Variants in RALYL observed in about 807,000 individuals in gnomAD.
RALYL encodes RALY RNA binding protein like, also known as RNA-binding Raly-like protein.
Under a neutral mutation model 35.1 loss-of-function variants are expected in RALYL, and 29 were observed. The ratio of observed to expected loss-of-function variants is 0.83; its 90% confidence interval spans 0.61 to 1.13. The LOEUF (loss-of-function observed/expected upper bound fraction) is 1.13, where lower values mean the gene tolerates loss of function less well. Ranked by LOEUF, RALYL falls within the 50% of genes most tolerant of loss-of-function variation. The pLI is 0.00. For synonymous variants in RALYL, 120 were observed against 127.6 expected (o/e 0.94, Z 0.40); for missense variants, 359 against 360.4 (o/e 1.00, Z 0.03).
intron 4 of RALYL, among the ~76,000 whole-genome samples, chr8:84,840,641 G>T (rs570699815): frequency 6.6e-6 from 1 of 152,102 alleles, no homozygotes; most frequent in Admixed American, 6.5e-5. Flanking sequence ...TACTTGAGAA[G>T]AGCAACTCCA....
intron 5 of RALYL, among the ~76,000 whole-genome samples, chr8:84,855,174 T>C (rs1312754713): frequency 1.3e-5 from 2 of 152,164 alleles, no homozygotes; most frequent in African/African-American, 2.4e-5. Context: ...TTAGGTCCTT[T>C]ATTGGCTGAG....
intron 1 of RALYL, among the ~76,000 whole-genome samples, chr8:84,502,964 G>A (rs142327159): frequency 4.0e-5 from 6 of 150,836 alleles, no homozygotes; most frequent in South Asian, 4.2e-4. Context: ...GAATAAACCC[G>A]AAAGAAGGTT....
chr8:84,305,625 G>A (rs190033231), intron 1 of RALYL, among the ~76,000 whole-genome samples: 1 of 152,272 alleles, frequency 6.6e-6, no homozygotes, highest in Admixed American at 6.5e-5. Context: ...TGGATTAGTA[G>A]TATATCACTT....
At chr8:84,441,780 A>G (rs907284032) in intron 1 of RALYL, among the ~76,000 whole-genome samples, 4 of 152,246 alleles carry the variant, frequency 2.6e-5, no homozygotes, top group Non-Finnish European at 4.4e-5. Context: ...GCTTATCTAA[A>G]TTCAAAATAG....
chr8:84,449,070 GT>G (rs1215015705), intron 1 of RALYL, among the ~76,000 whole-genome samples: 4 of 134,830 alleles, frequency 3.0e-5, no homozygotes, highest in Non-Finnish European at 6.4e-5. Context: ...TTAGCTGTTA[GT>G]TTTTTTGTTT....
At chr8:84,681,634 ACTCT>A (rs890015088) in intron 2 of RALYL, among the ~76,000 whole-genome samples, 1 of 151,212 alleles carries the variant, frequency 6.6e-6, no homozygotes, top group Non-Finnish European at 1.5e-5. Flanking sequence ...TCATGATTTG[ACTCT>A]CTGTCTGTTA....
chr8:84,430,711 T>C lies in RALYL; in HGVS notation c.-23-98588T>C, dbSNP rs192848190. Among the ~76,000 whole-genome samples the C allele has an allele frequency of 1.5e-3, 228 of 152,250 alleles. 2 individuals are homozygous for C. Among genetic ancestry groups the C allele is most frequent in the African/African-American group, 4.5e-3 (186 of 41,552 alleles). ...TTTTGAATTTTTAATGTTTTAACTA[T>C]TTATTTTTAAAACATGCCTTACTAG... On this transcript the variant is annotated intron_variant, in intron 1 of 8. Transcript: ENST00000521268.
chr8:84,786,965 T>C (rs1185188780), intron 3 of RALYL, among the ~76,000 whole-genome samples: 6 of 152,196 alleles, frequency 3.9e-5, no homozygotes, highest in African/African-American at 1.2e-4. Context: ...AAATATTAAC[T>C]GTAATTTTCT....
intron 2 of RALYL, among the ~76,000 whole-genome samples, chr8:84,627,336 C>A (rs1049385699): frequency 6.7e-6 from 1 of 150,148 alleles, no homozygotes. Context: ...AAATCCCTAT[C>A]CCAGATGATG....
rs201476519 is a variant in RALYL at position 84,642,391 on chromosome 8, C to CT, written c.256+112822dup. On this transcript the variant is annotated intron_variant, in intron 2 of 8. Coordinates refer to ENST00000521268, the MANE Select transcript of RALYL (RefSeq NM_173848.7). ...AACTTGAGAAAAAAAACTCTTTTAC[C>CT]TTTTTTTTCCTTTTCAGTTTCAAAC... Among the ~76,000 whole-genome samples the CT allele has an allele frequency of 3.8e-3, 584 of 151,764 alleles. 7 individuals are homozygous for CT. The highest frequency in any genetic ancestry group is 0.014 in the African/African-American group (560 of 41,388).
At chr8:84,920,866 A>C (rs1366140471) in intron 8 of RALYL, 28 bp from the exon 9 acceptor site, 1 of 1,154,498 alleles carries the variant, frequency 8.7e-7, no homozygotes, top group Middle Eastern at 2.2e-4. Context: ...AAATCTCTGT[A>C]TTTTAAAATT....
chr8:84,681,414 G>A (rs1388734596), intron 2 of RALYL, among the ~76,000 whole-genome samples: 1 of 152,064 alleles, frequency 6.6e-6, no homozygotes, highest in Admixed American at 6.5e-5. Context: ...GATGGGGATG[G>A]CATTGAATCT....
At chr8:84,445,411 A>G (rs1369777558) in intron 1 of RALYL, among the ~76,000 whole-genome samples, 1 of 151,940 alleles carries the variant, frequency 6.6e-6, no homozygotes, top group Non-Finnish European at 1.5e-5. Context: ...TATCTAATAT[A>G]TAATTATGAA....
chr8:84,491,224 A>G (rs376332732), intron 1 of RALYL, among the ~76,000 whole-genome samples: 12 of 152,104 alleles, frequency 7.9e-5, no homozygotes, highest in African/African-American at 2.6e-4. Flanking sequence ...TCTATCCCCT[A>G]CACATACAGC....
intron 1 of RALYL, among the ~76,000 whole-genome samples, chr8:84,376,139 AGCTTAT>A: frequency 6.6e-6 from 1 of 152,008 alleles, no homozygotes; most frequent in South Asian, 2.1e-4. Context: ...ATTGTAAGAT[AGCTTAT>A]GTTGTCATGA....
chr8:84,648,088 G>C (rs952087734), intron 2 of RALYL, among the ~76,000 whole-genome samples: 1 of 152,052 alleles, frequency 6.6e-6, no homozygotes, highest in African/African-American at 2.4e-5. Context: ...CCAGCAGAGT[G>C]TAAATGCTTG....
chr8:84,812,480 G>T (rs1826130696), intron 4 of RALYL, among the ~76,000 whole-genome samples: 1 of 152,084 alleles, frequency 6.6e-6, no homozygotes, highest in African/African-American at 2.4e-5. Context: ...GGTGGGTGGG[G>T]CCCTAGAACT....
At chr8:84,818,131 G>C (rs1827773804) in intron 4 of RALYL, among the ~76,000 whole-genome samples, 1 of 152,040 alleles carries the variant, frequency 6.6e-6, no homozygotes, top group African/African-American at 2.4e-5. Context: ...CTGAGGAAGA[G>C]AGACAAGAAA....
chr8:84,919,998 C>G (rs1425471519), intron 8 of RALYL, among the ~76,000 whole-genome samples: 2 of 152,070 alleles, frequency 1.3e-5, no homozygotes, highest in Non-Finnish European at 2.9e-5. Context: ...TTGCCACACT[C>G]AGTCTTTTTC....
Sources: gnomAD v4.1 joint callset for allele counts (sites outside exome capture counted in the v4.1 genomes callset) on GRCh38, gnomAD v4.1.1 for gene constraint, MANE v1.5 for transcripts, NCBI Gene and HGNC (gene_info 2026-07-23, HGNC 2026-07-21) for gene names.